The following ARNT2 variants were observed in gnomAD, a reference collection of about 807,000 sequenced individuals.
ARNT2 encodes aryl hydrocarbon receptor nuclear translocator 2.
ARNT2 carries 36 observed loss-of-function variants against 91.7 expected under a neutral mutation model. That is an observed-to-expected ratio of 0.39 (90% confidence interval 0.30 to 0.52). The LOEUF (loss-of-function observed/expected upper bound fraction) is 0.52. ARNT2 is among the 20% of genes least tolerant of loss of function. ARNT2 has a pLI of 0.72. For missense variants in ARNT2, 775 were observed against 939.3 expected, an observed-to-expected ratio of 0.83 and a Z score of 2.29; for synonymous variants, 365 against 347.1, an observed-to-expected ratio of 1.05 and a Z score of -0.57.
At position 80,551,159 on chromosome 15, in the gene ARNT2, T is replaced by G. The variant is rs745309104; in HGVS notation, c.878-40T>G. 12 of 1,573,716 alleles carry G rather than the reference T, an allele frequency of 7.6e-6. No homozygotes were observed. The African/African-American group carries it at 1.5e-4, about 19-fold the overall frequency. ...ACACTTTTCTTCTTTCCCATTCACC[T>G]TGGGCATATTGTTGATGACACAGGT... On this transcript the variant is annotated intron_variant, in intron 8 of 18. Coordinates refer to ENST00000303329, the MANE Select transcript of ARNT2 (RefSeq NM_014862.4).
intron 4 of ARNT2, among the ~76,000 whole-genome samples, chr15:80,472,738 G>T: frequency 6.6e-6 from 1 of 152,216 alleles, no homozygotes; most frequent in East Asian, 1.9e-4. Flanking sequence ...TCGTGTGGTT[G>T]TGGTGAGGAA....
At chr15:80,470,180 T>C in intron 3 of ARNT2, 38 bp from the exon 4 acceptor site, 1 of 1,477,514 alleles carries the variant, frequency 6.8e-7, no homozygotes. Context: ...GATACTTCTC[T>C]TTTTTCCCCC....
intron 1 of ARNT2, among the ~76,000 whole-genome samples, chr15:80,414,448 A>G (rs3848206): frequency 0.53 from 81,128 of 152,006 alleles, 22,393 homozygotes; most frequent in African/African-American, 0.67. Context: ...TCACAAGGAC[A>G]TGTGGCCCCC....
At chr15:80,488,824 T>A (rs887735297) in intron 5 of ARNT2, 19 of 152,310 alleles carry the variant, frequency 1.2e-4, no homozygotes, top group African/African-American at 4.6e-4. Context: ...AAAAATGTAG[T>A]CATCAACACA....
intron 10 of ARNT2, chr15:80,554,606 G>A (rs1898143913): frequency 6.2e-6 from 1 of 162,554 alleles, no homozygotes; most frequent in Admixed American, 5.8e-5. Flanking sequence ...ATAGTAAACA[G>A]GCTTTTAACA....
intron 12 of ARNT2, among the ~76,000 whole-genome samples, chr15:80,563,533 ATG>A (rs1898410446): frequency 6.6e-6 from 1 of 152,150 alleles, no homozygotes; most frequent in African/African-American, 2.4e-5. Context: ...CCCCCTGAGC[ATG>A]GACCTCAGCC....
chr15:80,486,077 T>C (rs1896968388), intron 5 of ARNT2, among the ~76,000 whole-genome samples: 1 of 152,140 alleles, frequency 6.6e-6, no homozygotes, highest in Non-Finnish European at 1.5e-5. Context: ...CTAGCTCTGG[T>C]GGTAGCTGAC....
chr15:80,517,252 G>A (rs534150929), intron 8 of ARNT2, among the ~76,000 whole-genome samples: 2 of 152,126 alleles, frequency 1.3e-5, no homozygotes, highest in South Asian at 4.2e-4. Context: ...TTGTTTCAGT[G>A]CTTTAAATAT....
At chr15:80,451,604 G>C (rs1278010558) in intron 2 of ARNT2, among the ~76,000 whole-genome samples, 1 of 152,094 alleles carries the variant, frequency 6.6e-6, no homozygotes, top group Non-Finnish European at 1.5e-5. Flanking sequence ...TAATGTTTGT[G>C]GCTGTACACA....
At chr15:80,406,892 A>G (rs1008039456) in intron 1 of ARNT2, among the ~76,000 whole-genome samples, 3 of 152,106 alleles carry the variant, frequency 2.0e-5, no homozygotes, top group Non-Finnish European at 2.9e-5. Flanking sequence ...TTATTGCCCC[A>G]TGTGAATCTC....
At chr15:80,482,928 T>C (rs569741568) in intron 5 of ARNT2, among the ~76,000 whole-genome samples, 1 of 152,372 alleles carries the variant, frequency 6.6e-6, no homozygotes, top group South Asian at 2.1e-4. Context: ...TGGGACTTCA[T>C]ATCAAGTTAT....
chr15:80,463,379 C>CA (rs76340576), intron 3 of ARNT2, among the ~76,000 whole-genome samples: 34,167 of 152,046 alleles, frequency 0.22, 4,086 homozygotes, highest in Non-Finnish European at 0.27. Context: ...CCTGCCTCTA[C>CA]AGTCTCAGTT....
At chr15:80,527,691 G>T (rs1205677365) in intron 8 of ARNT2, among the ~76,000 whole-genome samples, 2 of 152,210 alleles carry the variant, frequency 1.3e-5, no homozygotes, top group Admixed American at 6.5e-5. Context: ...ATCTCCATGA[G>T]GATTGGAATA....
intron 1 of ARNT2, among the ~76,000 whole-genome samples, chr15:80,414,482 T>C (rs1339266709): frequency 6.6e-6 from 1 of 152,230 alleles, no homozygotes; most frequent in Non-Finnish European, 1.5e-5. Context: ...CTGGCCCCTT[T>C]AAAACATGTC....
At position 80,404,498 on chromosome 15, in the gene ARNT2, C is replaced by G. The variant is rs1895567403; in HGVS notation, c.-18C>G. On this transcript the variant is annotated 5_prime_UTR_variant, in exon 1 of 19. Transcript: ENST00000303329. The surrounding 1 kb of genome is among the most constrained non-coding windows in gnomAD (Gnocchi z 5.5). ...TCCCGCGCCCCTGCCAAGCGGGCGC[C>G]TATCCTCTCCGAGCAAGATGGCAAC... The G allele has an allele frequency of 3.2e-6, 4 of 1,238,514 alleles. No homozygotes were observed. In the East Asian group the frequency reaches 2.5e-4, roughly 76 times the overall value. 76.7% of individuals were successfully genotyped at this position (1,238,514 alleles called of 1,614,324 possible).
chr15:80,468,580 C>T (rs577444516), intron 3 of ARNT2, among the ~76,000 whole-genome samples: 1 of 152,250 alleles, frequency 6.6e-6, no homozygotes, highest in East Asian at 1.9e-4. Context: ...AGGCCCAGCT[C>T]TCTCCCAGTT....
At chr15:80,592,370 TC>T (rs1053705438) in intron 18 of ARNT2, among the ~76,000 whole-genome samples, 1 of 152,156 alleles carries the variant, frequency 6.6e-6, no homozygotes, top group African/African-American at 2.4e-5. Context: ...CTGGAAGGCT[TC>T]AAATGGAGGT....
At chr15:80,426,420 G>A (rs1895932710) in intron 1 of ARNT2, among the ~76,000 whole-genome samples, 1 of 152,170 alleles carries the variant, frequency 6.6e-6, no homozygotes, top group Non-Finnish European at 1.5e-5. Context: ...GAGTTTTAGG[G>A]TATCAACTTA....
At chr15:80,551,081 G>A (rs1898072666) in intron 8 of ARNT2, 118 bp from the exon 9 acceptor site, 1 of 936,412 alleles carries the variant, frequency 1.1e-6, no homozygotes, top group African/African-American at 1.6e-5. Flanking sequence ...TGGCTTCCCA[G>A]CCCTGCATGG....
Sources: allele counts gnomAD v4.1 joint callset (sites outside exome capture counted in the v4.1 genomes callset), GRCh38; gene constraint gnomAD v4.1.1; non-coding constraint Gnocchi (gnomAD v3.1); transcripts MANE v1.5; gene names NCBI Gene and HGNC (gene_info 2026-07-23, HGNC 2026-07-21).